CNOT1: variants seen among roughly 807,000 people sequenced by gnomAD.
CNOT1 encodes CCR4-associated factor 1.
A neutral mutation model predicts 273.8 loss-of-function variants in CNOT1; 15 were observed. The ratio of observed to expected loss-of-function variants is 0.05; its 90% CI spans 0.04 to 0.08. The LOEUF (loss-of-function observed/expected upper bound fraction) is 0.08. Among genes scored for constraint, CNOT1 ranks in the 10% least tolerant of loss-of-function variants. The pLI is 1.00. For missense variants in CNOT1, 1,644 were observed against 2,912.2 expected (o/e 0.56, Z 10.02); for synonymous variants, 1,022 against 1,005.5 (o/e 1.02, Z -0.31).
At position 58,547,821 on chromosome 16, in the gene CNOT1, GTA is replaced by G; in HGVS notation, c.3523-141_3523-140del. On this transcript the variant is annotated intron_variant, in intron 25 of 48. Transcript: ENST00000317147. This position sits in a 1 kb window ranked among gnomAD's most constrained non-coding sequence, Gnocchi z 4.0. The stretch of plus-strand genomic sequence containing the variant: ...ACAGGCCCCAAAGTAGAATTACTCT[GTA>G]TATCATTCTCAATATCATTTTGCTG... 1 of 714,822 alleles carries G rather than the reference GTA, an allele frequency of 1.4e-6. No individual in the cohort carries two copies. The highest frequency in any genetic ancestry group is 3.3e-5 in the Admixed American group (1 of 29,974). 44.3% of individuals were successfully genotyped at this position (714,822 alleles called of 1,614,324 possible).
chr16:58,552,444 ATC>A (rs140637057), intron 22 of CNOT1, among the ~76,000 whole-genome samples: 12 of 151,004 alleles, frequency 7.9e-5, no homozygotes, highest in Admixed American at 2.0e-4. Context: ...GAAAGTGATG[ATC>A]TCTCTCTCTC....
At chr16:58,573,152 A>G (rs2151962076) in intron 16 of CNOT1, among the ~76,000 whole-genome samples, 1 of 151,704 alleles carries the variant, frequency 6.6e-6, no homozygotes, top group South Asian at 2.1e-4. Context: ...CTAAAAATAC[A>G]AAAATTAGTG....
At chr16:58,561,118 G>A (rs906117290) in intron 16 of CNOT1, among the ~76,000 whole-genome samples, 2 of 152,164 alleles carry the variant, frequency 1.3e-5, no homozygotes, top group Non-Finnish European at 2.9e-5. Flanking sequence ...CCAGGAGTTC[G>A]AGGCTGCAAT....
At position 58,551,264 on chromosome 16, in the gene CNOT1, A is replaced by G. The variant is rs751883027; in HGVS notation, c.3210T>C (p.Ile1070=). 11 of 1,568,862 alleles carry G rather than the reference A, an allele frequency of 7.0e-6. No homozygotes were observed. The highest frequency in any genetic ancestry group is 6.9e-5 in the African/African-American group (5 of 72,114). Residue 1070 remains isoleucine (I), a synonymous_variant, in exon 24 of 49, where the codon ATT becomes ATC. Coordinates refer to ENST00000317147, the MANE Select transcript of CNOT1 (RefSeq NM_016284.5). Reference sequence around the variant, plus strand: ...GCAACGTATCTATATTTGTAGTATTAATAGAAGGCTAAAAAAAAAAAATAA... The same window carrying G: ...GCAACGTATCTATATTTGTAGTATTGATAGAAGGCTAAAAAAAAAAAATAA... ...VSFKKDVPPS[I]NTTNIDTLLV...
chr16:58,566,808 A>G (rs560289174), intron 16 of CNOT1, among the ~76,000 whole-genome samples: 10 of 152,014 alleles, frequency 6.6e-5, no homozygotes, highest in South Asian at 6.2e-4. Flanking sequence ...TAATTTTTCT[A>G]TTTTTAGTAG....
chr16:58,558,488 A>G lies in CNOT1; in HGVS notation c.2317T>C (p.Ser773Pro), dbSNP rs1247782862. The G allele has an allele frequency of 6.2e-7, 1 of 1,614,026 alleles. No homozygotes were observed. The highest frequency in any genetic ancestry group is 1.7e-5 in the Admixed American group (1 of 60,016). The stretch of plus-strand genomic sequence containing the variant: ...TCCCCCTTACCTGGAAGCTGTGATG[A>G]AAGTCCTCCAATACCACTGAATGCA... ...TTAFSGIGGLSSQLPVGGLGT... is the reference protein window; with the variant it reads ...TTAFSGIGGLPSQLPVGGLGT... The change falls in exon 18 of 49, where the codon TCA (serine) becomes CCA (proline). Residue 773 changes from serine to proline, a missense_variant. This residue lies in a region of CNOT1 where 706 missense variants were observed against 1,021.2 expected (regional missense o/e 0.69). Coordinates refer to ENST00000317147, the MANE Select transcript of CNOT1 (RefSeq NM_016284.5).
chr16:58,531,793 A>G (rs2039786400), intron 42 of CNOT1, among the ~76,000 whole-genome samples, 165 bp downstream of exon 42: 1 of 152,350 alleles, frequency 6.6e-6, no homozygotes, highest in Non-Finnish European at 1.5e-5. Context: ...TTTCAGGCAG[A>G]GGCAGTCAAG....
intron 2 of CNOT1, among the ~76,000 whole-genome samples, chr16:58,590,746 G>T (rs2042024697): frequency 2.0e-5 from 3 of 152,178 alleles, no homozygotes; most frequent in Non-Finnish European, 2.9e-5. Context: ...ACCTTGTGGG[G>T]ACAAAGCAGC....
At chr16:58,617,626 G>A (rs1175371412) in intron 1 of CNOT1, among the ~76,000 whole-genome samples, 2 of 152,098 alleles carry the variant, frequency 1.3e-5, no homozygotes, top group East Asian at 1.9e-4. Context: ...AAAGAACTAC[G>A]CTGCCCAAAT....
chr16:58,557,945 G>A lies in CNOT1; in HGVS notation c.2332+528C>T, dbSNP rs548138168. Reference sequence around the variant, plus strand: ...GCGGAGGTTGCAGTGAGCCAAGATCGTACCACTGCACTCCAGCCTGGGCAA... The same window carrying A: ...GCGGAGGTTGCAGTGAGCCAAGATCATACCACTGCACTCCAGCCTGGGCAA... On this transcript the variant is annotated intron_variant, in intron 18 of 48. Coordinates refer to ENST00000317147, the MANE Select transcript of CNOT1 (RefSeq NM_016284.5). Among the ~76,000 whole-genome samples the A allele has an allele frequency of 3.3e-5, 5 of 152,150 alleles. No individual in the cohort carries two copies. In the East Asian group the frequency reaches 5.8e-4, roughly 18 times the overall value.
intron 1 of CNOT1, among the ~76,000 whole-genome samples, chr16:58,621,475 G>A (rs545480112): frequency 2.0e-5 from 3 of 151,064 alleles, no homozygotes; most frequent in South Asian, 4.2e-4. Flanking sequence ...GTTTCTCCAT[G>A]TTGGTCAAGC....
intron 34 of CNOT1, 196 bp from the exon 35 acceptor site, chr16:58,540,155 A>G: frequency 2.0e-6 from 1 of 491,268 alleles, no homozygotes; most frequent in Non-Finnish European, 3.5e-6. Context: ...AGTACAAGGC[A>G]GGCATAAGGG....
intron 3 of CNOT1, 143 bp downstream of exon 3, chr16:58,588,656 G>A (rs955549139): frequency 1.2e-5 from 13 of 1,129,052 alleles, no homozygotes; most frequent in Non-Finnish European, 1.5e-5. Context: ...AGAAAAAAAA[G>A]GAAAAATCTA....
intron 17 of CNOT1, chr16:58,559,988 A>C: frequency 7.8e-7 from 1 of 1,280,010 alleles, no homozygotes. Context: ...TCATTTACCT[A>C]AATAAATTGT....
At position 58,543,784 on chromosome 16, in the gene CNOT1, A is replaced by G; in HGVS notation, c.4257T>C (p.Thr1419=). ...VDRSIKIAMT[T]CEQIVRKDFA... Reference sequence around the variant, plus strand: ...AATCCTTCCTGACTATTTGCTCACAAGTAGTCATGGCAATCTTAATTGATC... The same window carrying G: ...AATCCTTCCTGACTATTTGCTCACAGGTAGTCATGGCAATCTTAATTGATC... The change falls in exon 31 of 49, where the codon ACT becomes ACC. Residue 1419 remains threonine, a synonymous_variant. Coordinates refer to ENST00000317147, the MANE Select transcript of CNOT1 (RefSeq NM_016284.5). The G allele has an allele frequency of 6.2e-7, 1 of 1,614,106 alleles. No individual in the cohort carries two copies. Among genetic ancestry groups the G allele is most frequent in the Non-Finnish European group, 8.5e-7 (1 of 1,180,010 alleles).
intron 46 of CNOT1, among the ~76,000 whole-genome samples, chr16:58,524,183 G>T (rs1210493315): frequency 6.9e-6 from 1 of 144,794 alleles, no homozygotes; most frequent in Admixed American, 7.3e-5. Context: ...CCCTGAGGCG[G>T]AAGTTATGGT....
chr16:58,583,158 G>A lies in CNOT1; in HGVS notation c.831C>T (p.Ile277=), dbSNP rs748097758. Residue 277 remains isoleucine, a synonymous_variant, in exon 9 of 49, where the codon ATC becomes ATT. Coordinates refer to ENST00000317147, the MANE Select transcript of CNOT1 (RefSeq NM_016284.5). ...CASIEECRNI[I]VQFGVREVTA... ...TGACCTCCCGAACACCAAACTGCAC[G>A]ATTATATTGCGACATTCTTCAATAC... The A allele has an allele frequency of 6.2e-6, 10 of 1,613,668 alleles. No individual in the cohort carries two copies. The highest frequency in any genetic ancestry group is 2.2e-5 in the East Asian group (1 of 44,880).
intron 37 of CNOT1, 23 bp downstream of exon 37, chr16:58,538,135 G>A (rs113039607): frequency 1.0e-5 from 16 of 1,606,096 alleles, no homozygotes; most frequent in African/African-American, 6.7e-5. Flanking sequence ...CCTTTTGTCC[G>A]TGCAAGTAAA....
intron 1 of CNOT1, among the ~76,000 whole-genome samples, chr16:58,610,009 CA>C (rs2042835663): frequency 6.6e-6 from 1 of 152,060 alleles, no homozygotes; most frequent in South Asian, 2.1e-4. Context: ...ATAGAAAACA[CA>C]AAAGGAAACA....
Sources: allele counts gnomAD v4.1 joint callset (sites outside exome capture counted in the v4.1 genomes callset), GRCh38; gene constraint gnomAD v4.1.1; regional missense constraint gnomAD v4.1.1; non-coding constraint Gnocchi (gnomAD v3.1); transcripts MANE v1.5; gene names NCBI Gene and HGNC (gene_info 2026-07-23, HGNC 2026-07-21).